The following PAM variants were observed in gnomAD, a reference collection of about 807,000 sequenced individuals.
PAM encodes the protein peptidyl-glycine alpha-amidating monooxygenase.
Under a neutral mutation model 122.1 loss-of-function variants are expected in PAM, and 72 were observed. The ratio of observed to expected loss-of-function variants is 0.59; its 90% CI spans 0.49 to 0.72. PAM has a LOEUF of 0.72. Among genes scored for constraint, PAM ranks in the 30% least tolerant of loss-of-function variants. The pLI, the probability that PAM is intolerant of heterozygous loss-of-function variation, is 0.00. For synonymous variants in PAM, 389 were observed against 404.4 expected (o/e 0.96, Z 0.46); for missense variants, 1,106 against 1,183.7 (o/e 0.93, Z 0.96).
At chr5:102,860,422 T>C (rs1783855718) in intron 1 of PAM, among the ~76,000 whole-genome samples, 1 of 152,110 alleles carries the variant, frequency 6.6e-6, no homozygotes, top group African/African-American at 2.4e-5. Context: ...GATAGGAATA[T>C]GTCAAAGGCT....
chr5:102,818,023 T>TTAAAA (rs1318837208), intron 1 of PAM, among the ~76,000 whole-genome samples: 1 of 63,018 alleles, frequency 1.6e-5, no homozygotes, highest in Non-Finnish European at 3.1e-5. Context: ...TTTTTTTTTC[T>TTAAAA]CAAAAAAAAA....
chr5:102,819,564 T>C (rs1195923035), intron 1 of PAM, among the ~76,000 whole-genome samples: 2 of 152,186 alleles, frequency 1.3e-5, no homozygotes, highest in Non-Finnish European at 2.9e-5. Flanking sequence ...CTTTAATTCT[T>C]TCACAGACAT....
intron 1 of PAM, among the ~76,000 whole-genome samples, chr5:102,779,530 C>T (rs1758050813): frequency 6.6e-6 from 1 of 151,932 alleles, no homozygotes; most frequent in African/African-American, 2.4e-5. Flanking sequence ...CGTGTGTCAA[C>T]CTGATTGAAC....
At position 102,872,583 on chromosome 5, in the gene PAM, C is replaced by T. The variant is rs577126843; in HGVS notation, c.210+5190C>T. Among the ~76,000 whole-genome samples the T allele has an allele frequency of 3.3e-5, 5 of 152,302 alleles. No individual in the cohort carries two copies. The East Asian group carries it at 9.6e-4, about 29-fold the overall frequency. ...GTAAAAAGAACCCAGCTTTCATGGGCTTTTCTTTCTGCACTCCTGTAAGGA... is the reference window on the plus strand; with the variant it reads ...GTAAAAAGAACCCAGCTTTCATGGGTTTTTCTTTCTGCACTCCTGTAAGGA... On this transcript the variant is annotated intron_variant, in intron 3 of 25. Transcript: ENST00000438793.
At chr5:102,947,954 A>T (rs1339512458) in intron 8 of PAM, among the ~76,000 whole-genome samples, 1 of 152,164 alleles carries the variant, frequency 6.6e-6, no homozygotes, top group African/African-American at 2.4e-5. Context: ...CTTGAGTCCA[A>T]AGGCAATTCA....
intron 3 of PAM, among the ~76,000 whole-genome samples, chr5:102,886,368 G>T (rs1793091478): frequency 6.6e-6 from 1 of 151,814 alleles, no homozygotes; most frequent in African/African-American, 2.4e-5. Context: ...GTTAATTCAG[G>T]CATATATAAT....
intron 1 of PAM, among the ~76,000 whole-genome samples, chr5:102,854,667 T>C (rs890683367): frequency 6.6e-6 from 1 of 151,918 alleles, no homozygotes; most frequent in Non-Finnish European, 1.5e-5. Context: ...TAAAAATTAT[T>C]AAAAACTGGG....
chr5:102,890,080 C>T (rs1475146843), intron 3 of PAM, among the ~76,000 whole-genome samples: 2 of 151,834 alleles, frequency 1.3e-5, no homozygotes, highest in African/African-American at 4.8e-5. Context: ...GGTATTTATT[C>T]GATAGAGTAT....
intron 1 of PAM, among the ~76,000 whole-genome samples, chr5:102,790,880 A>G (rs1456170243): frequency 6.6e-6 from 1 of 152,026 alleles, no homozygotes; most frequent in Non-Finnish European, 1.5e-5. Flanking sequence ...ATTACCCATT[A>G]TTTTACTACC....
intron 7 of PAM, among the ~76,000 whole-genome samples, chr5:102,941,008 T>G (rs1755018065): frequency 6.6e-6 from 1 of 152,228 alleles, no homozygotes; most frequent in Non-Finnish European, 1.5e-5. Context: ...TCTTTTAATT[T>G]TACTTTCTTA....
chr5:102,929,302 A>G lies in PAM; in HGVS notation c.526+2634A>G, dbSNP rs1190608762. Among the ~76,000 whole-genome samples, 4 of 152,138 alleles carry G rather than the reference A, an allele frequency of 2.6e-5. No individual in the cohort carries two copies. In the East Asian group the frequency reaches 7.7e-4, roughly 29 times the overall value. On this transcript the variant is annotated intron_variant, in intron 7 of 25. Transcript: ENST00000438793. ...AGCAGCTTCTGTATTGTGATCTCATACTTATCTCCAGATGCACCTAGAAGT... is the reference window on the plus strand; with the variant it reads ...AGCAGCTTCTGTATTGTGATCTCATGCTTATCTCCAGATGCACCTAGAAGT...
intron 1 of PAM, among the ~76,000 whole-genome samples, chr5:102,822,848 C>T (rs968887205): frequency 7.2e-5 from 11 of 152,038 alleles, no homozygotes; most frequent in Non-Finnish European, 1.3e-4. Flanking sequence ...GTCACCTGCC[C>T]TGGCACACAC....
intron 5 of PAM, among the ~76,000 whole-genome samples, chr5:102,924,123 T>A (rs937730619): frequency 6.6e-6 from 1 of 152,064 alleles, no homozygotes; most frequent in African/African-American, 2.4e-5. Flanking sequence ...ATGTCATGCA[T>A]GTATAAGATC....
intron 1 of PAM, among the ~76,000 whole-genome samples, chr5:102,810,483 A>G (rs1277308601): frequency 6.6e-6 from 1 of 152,226 alleles, no homozygotes; most frequent in Admixed American, 6.5e-5. Context: ...CTTTTCCAGC[A>G]TGAGATAAAT....
At chr5:102,882,106 T>TACAC (rs1791438676) in intron 3 of PAM, among the ~76,000 whole-genome samples, 1 of 87,392 alleles carries the variant, frequency 1.1e-5, no homozygotes, top group African/African-American at 4.4e-5. Flanking sequence ...TATATATATA[T>TACAC]ATATACACCA....
intron 12 of PAM, among the ~76,000 whole-genome samples, chr5:102,959,302 A>G (rs1453124411): frequency 6.6e-6 from 1 of 152,112 alleles, no homozygotes; most frequent in African/African-American, 2.4e-5. Context: ...CATCAGGGAT[A>G]CACTTTGAAT....
At chr5:102,832,116 A>G (rs1271808516) in intron 1 of PAM, among the ~76,000 whole-genome samples, 2 of 152,176 alleles carry the variant, frequency 1.3e-5, no homozygotes, top group Admixed American at 6.5e-5. Flanking sequence ...TATGATTACA[A>G]GTGTCCAAAC....
intron 1 of PAM, among the ~76,000 whole-genome samples, chr5:102,856,833 GAAAGATACT>G (rs1486121027): frequency 2.0e-5 from 3 of 152,008 alleles, no homozygotes; most frequent in Non-Finnish European, 2.9e-5. Context: ...ACTTGCAAGG[GAAAGATACT>G]TCAAATTGGC....
chr5:102,875,414 A>G (rs749951020), intron 3 of PAM, among the ~76,000 whole-genome samples: 1 of 152,000 alleles, frequency 6.6e-6, no homozygotes, highest in African/African-American at 2.4e-5. Flanking sequence ...GGCTGGTATC[A>G]AACTCCTGAG....
Sources: allele counts gnomAD v4.1 joint callset (sites outside exome capture counted in the v4.1 genomes callset), GRCh38; gene constraint gnomAD v4.1.1; transcripts MANE v1.5; gene names NCBI Gene and HGNC (gene_info 2026-07-23, HGNC 2026-07-21).